The following IGSF21 variants were observed in gnomAD, a reference collection of about 807,000 sequenced individuals.
The protein encoded by IGSF21 is immunoglobulin superfamily member 21.
A neutral mutation model predicts 46.8 loss-of-function variants in IGSF21; 28 were observed. That is an observed-to-expected ratio of 0.60 (90% CI 0.44 to 0.82). The LOEUF (loss-of-function observed/expected upper bound fraction) is 0.82, where lower values mean the gene tolerates loss of function less well. IGSF21 is among the 40% of genes least tolerant of loss of function. The probability of loss-of-function intolerance (pLI) is 0.00; values close to 1 mark genes in which losing one functional copy is unlikely to be tolerated. For synonymous variants in IGSF21, 284 were observed against 273.6 expected (o/e 1.04, Z -0.38); for missense variants, 624 against 665.5 (o/e 0.94, Z 0.69).
chr1:18,211,556 C>T (rs2084391393), intron 1 of IGSF21, among the ~76,000 whole-genome samples: 1 of 152,140 alleles, frequency 6.6e-6, no homozygotes, highest in Non-Finnish European at 1.5e-5. Context: ...TTTAAGGATT[C>T]CTTTATTCTG....
intron 1 of IGSF21, among the ~76,000 whole-genome samples, chr1:18,178,409 A>G (rs1232675348): frequency 6.6e-6 from 1 of 150,760 alleles, no homozygotes; most frequent in Non-Finnish European, 1.5e-5. Flanking sequence ...TCCACCTCTT[A>G]CCATAATAAC....
intron 1 of IGSF21, among the ~76,000 whole-genome samples, chr1:18,185,553 T>G (rs74055954): frequency 0.017 from 2,576 of 152,294 alleles, 52 homozygotes; most frequent in African/African-American, 0.047. Context: ...GCTGGGGTAT[T>G]GTTACACTGG....
intron 1 of IGSF21, among the ~76,000 whole-genome samples, chr1:18,221,176 A>G (rs1028037302): frequency 6.6e-6 from 1 of 152,082 alleles, no homozygotes; most frequent in Non-Finnish European, 1.5e-5. Flanking sequence ...CGTTACCCCT[A>G]TTATCCAAAT....
At chr1:18,373,764 T>C (rs925450082) in intron 6 of IGSF21, among the ~76,000 whole-genome samples, 1 of 152,144 alleles carries the variant, frequency 6.6e-6, no homozygotes, top group African/African-American at 2.4e-5. Flanking sequence ...TCCTATAGCA[T>C]GACCTTGGAC....
chr1:18,199,267 T>C (rs1557584031), intron 1 of IGSF21, among the ~76,000 whole-genome samples: 1 of 151,976 alleles, frequency 6.6e-6, no homozygotes, highest in African/African-American at 2.4e-5. Context: ...ACCCAGGGGA[T>C]GTGTTTCAGT....
intron 4 of IGSF21, among the ~76,000 whole-genome samples, chr1:18,345,345 C>T (rs1341780292): frequency 2.6e-5 from 4 of 152,206 alleles, no homozygotes; most frequent in African/African-American, 9.6e-5. Context: ...CTACCAGCTT[C>T]TGCAACTAAT....
rs1021844965 is a variant in IGSF21, at chr1:18,191,576, G to A, written c.71-36322G>A. On this transcript the variant is annotated intron_variant, in intron 1 of 9. Coordinates refer to ENST00000251296, the MANE Select transcript of IGSF21 (RefSeq NM_032880.5). ...ACGGTCTGCTGGGCAGGGGATACACGGGGTGTGTATCCCCTGGCGCGGGAG... is the reference window on the plus strand; with the variant it reads ...ACGGTCTGCTGGGCAGGGGATACACAGGGTGTGTATCCCCTGGCGCGGGAG... Among the ~76,000 whole-genome samples, 70 of 152,048 alleles carry A rather than the reference G, an allele frequency of 4.6e-4. 4 individuals carry two copies. The highest frequency in any genetic ancestry group is 7.2e-5 in the African/African-American group (3 of 41,404).
chr1:18,115,885 G>GAAAT, intron 1 of IGSF21: 4 of 99,852 alleles, frequency 4.0e-5, no homozygotes, highest in South Asian at 1.2e-3. Context: ...AAGAAAGAAA[G>GAAAT]AAAGAAAGAA....
At chr1:18,204,577 G>A (rs957304988) in intron 1 of IGSF21, among the ~76,000 whole-genome samples, 2 of 152,172 alleles carry the variant, frequency 1.3e-5, no homozygotes, top group African/African-American at 4.8e-5. Flanking sequence ...GCTCAGAGGT[G>A]GAGGGGAGAT....
chr1:18,133,032 T>A (rs1489558067), intron 1 of IGSF21, among the ~76,000 whole-genome samples: 1 of 152,142 alleles, frequency 6.6e-6, no homozygotes, highest in African/African-American at 2.4e-5. Flanking sequence ...TCTCTCTCCC[T>A]CTAGATGCAA....
chr1:18,346,037 G>T (rs563739665), intron 4 of IGSF21, among the ~76,000 whole-genome samples: 1 of 152,324 alleles, frequency 6.6e-6, no homozygotes, highest in Non-Finnish European at 1.5e-5. Flanking sequence ...GAAGGGCTGT[G>T]TCCATAGCTC....
chr1:18,353,732 C>A (rs948336024), intron 4 of IGSF21, among the ~76,000 whole-genome samples: 2 of 152,086 alleles, frequency 1.3e-5, no homozygotes, highest in South Asian at 4.1e-4. Flanking sequence ...ATGCAAAGGC[C>A]CTGTGGCTGG....
chr1:18,271,530 C>G (rs1177880181), intron 2 of IGSF21, among the ~76,000 whole-genome samples: 2 of 152,206 alleles, frequency 1.3e-5, no homozygotes, highest in African/African-American at 2.4e-5. Flanking sequence ...GCAGAAAAAT[C>G]TATGTCAGCA....
chr1:18,227,197 A>G (rs1383277129), intron 1 of IGSF21, among the ~76,000 whole-genome samples: 3 of 152,118 alleles, frequency 2.0e-5, no homozygotes, highest in Admixed American at 6.5e-5. Context: ...CCCTCCCTTT[A>G]GGTGGCAAAG....
chr1:18,245,258 GAA>G (rs2084773781), intron 2 of IGSF21, among the ~76,000 whole-genome samples: 1 of 152,064 alleles, frequency 6.6e-6, no homozygotes. Context: ...TTTTTATAAA[GAA>G]AAATTAATTA....
At position 18,190,885 on chromosome 1, in the gene IGSF21, G is replaced by A. The variant is rs1202455222; in HGVS notation, c.71-37013G>A. ...ATTGAGGGGAGAGCTGGGTTACCCT[G>A]GGAAGGCAGCAGCCAAGTCCTCTGG... On this transcript the variant is annotated intron_variant, in intron 1 of 9. Coordinates refer to ENST00000251296, the MANE Select transcript of IGSF21 (RefSeq NM_032880.5). 2.0e-5 allele frequency among the ~76,000 whole-genome samples: 3 copies of A among 152,192 alleles called. No homozygotes were observed. The East Asian group carries it at 5.8e-4, about 29-fold the overall frequency.
chr1:18,238,825 G>C (rs2084697307), intron 2 of IGSF21, among the ~76,000 whole-genome samples: 1 of 152,214 alleles, frequency 6.6e-6, no homozygotes, highest in Non-Finnish European at 1.5e-5. Flanking sequence ...CCATCCTGCT[G>C]TGTGATCTTG....
At chr1:18,145,210 A>AG (rs11450077) in intron 1 of IGSF21, among the ~76,000 whole-genome samples, 70,900 of 151,442 alleles carry the variant, frequency 0.47, 17,609 homozygotes, top group East Asian at 0.73. Flanking sequence ...AATATTTTTT[A>AG]AAAAGTTATC....
Position 18,125,210 on chromosome 1 carries a change from G to A in IGSF21, c.70+17012G>A, listed in dbSNP as rs116116211. Among the ~76,000 whole-genome samples the A allele has an allele frequency of 6.0e-3, 910 of 152,264 alleles. 7 individuals are homozygous for A. The highest frequency in any genetic ancestry group is 0.02 in the African/African-American group (838 of 41,536). On this transcript the variant is annotated intron_variant, in intron 1 of 9. Transcript: ENST00000251296. ...TTTGCACATGTGGTTCGAACTCTGC[G>A]GGAACCCACCTTCTTCTTTGGACTA...
Sources: gnomAD v4.1 joint callset for allele counts (sites outside exome capture counted in the v4.1 genomes callset) on GRCh38, gnomAD v4.1.1 for gene constraint, MANE v1.5 for transcripts, NCBI Gene and HGNC (gene_info 2026-07-23, HGNC 2026-07-21) for gene names.